FOXN3: variants seen among roughly 807,000 people sequenced by gnomAD.
FOXN3 encodes forkhead box N3, also known as forkhead box protein N3.
A neutral mutation model predicts 38.4 loss-of-function variants in FOXN3; 7 were observed. That is an observed-to-expected ratio of 0.18 (90% CI 0.10 to 0.34). The LOEUF is 0.34. Among genes scored for constraint, FOXN3 ranks in the 10% least tolerant of loss-of-function variants. The probability of loss-of-function intolerance (pLI) is 1.00; values close to 1 mark genes in which losing one functional copy is unlikely to be tolerated. For synonymous variants in FOXN3, 230 were observed against 242.2 expected (o/e 0.95, Z 0.47); for missense variants, 456 against 613.4 (o/e 0.74, Z 2.71).
intron 4 of FOXN3, among the ~76,000 whole-genome samples, chr14:89,205,579 G>T (rs560134513): frequency 6.6e-6 from 1 of 152,238 alleles, no homozygotes; most frequent in East Asian, 1.9e-4. Flanking sequence ...GCAGGCCATC[G>T]ACGGCGGGAC....
At chr14:89,590,417 G>C (rs1435658881) in intron 1 of FOXN3, among the ~76,000 whole-genome samples, 3 of 152,138 alleles carry the variant, frequency 2.0e-5, no homozygotes, top group Non-Finnish European at 4.4e-5. Flanking sequence ...AAGGAGGAAA[G>C]CTGACACTCA....
At chr14:89,306,334 GCA>G (rs33940446) in intron 3 of FOXN3, among the ~76,000 whole-genome samples, 80,615 of 146,564 alleles carry the variant, frequency 0.55, 22,399 homozygotes, top group East Asian at 0.69. Flanking sequence ...ACAGACGCAT[GCA>G]CACACACACA....
intron 1 of FOXN3, chr14:89,493,861 A>C (rs1385881902): frequency 7.0e-6 from 1 of 143,824 alleles, no homozygotes; most frequent in African/African-American, 2.6e-5. Context: ...CCCCCCTCCA[A>C]AAAAAAAAAA....
At chr14:89,281,940 G>A (rs113969080) in intron 3 of FOXN3, among the ~76,000 whole-genome samples, 1,902 of 152,218 alleles carry the variant, frequency 0.012, 40 homozygotes, top group African/African-American at 0.044. Context: ...AAATAGGTTC[G>A]AGTAATGCAT....
rs554410180 is a variant in FOXN3 at position 89,530,841 on chromosome 14, G to A, written c.-15+88187C>T. On this transcript the variant is annotated intron_variant, in intron 1 of 6. Coordinates refer to the FOXN3 transcript ENST00000345097. ...GCCAGGCTGGTCTCAAACTCCTGACGTAAAGTGATCCACCTGCCTCAACCT... is the reference window on the plus strand; with the variant it reads ...GCCAGGCTGGTCTCAAACTCCTGACATAAAGTGATCCACCTGCCTCAACCT... Among the ~76,000 whole-genome samples the A allele has an allele frequency of 4.7e-5, 7 of 150,170 alleles. No homozygotes were observed. The South Asian group carries it at 1.0e-3, about 22-fold the overall frequency.
intron 5 of FOXN3, among the ~76,000 whole-genome samples, chr14:89,173,869 T>C (rs1409736510): frequency 6.6e-6 from 1 of 152,092 alleles, no homozygotes; most frequent in African/African-American, 2.4e-5. Context: ...TGAGTGCCTG[T>C]AGTCCCAAAC....
At chr14:89,323,222 A>C (rs1035626806) in intron 3 of FOXN3, among the ~76,000 whole-genome samples, 2 of 147,450 alleles carry the variant, frequency 1.4e-5, no homozygotes, top group Non-Finnish European at 3.0e-5. Flanking sequence ...CAGGAGGCAG[A>C]GGTTGCAGTG....
chr14:89,519,419 A>AAGG (rs1894275802), intron 1 of FOXN3, among the ~76,000 whole-genome samples: 1 of 152,142 alleles, frequency 6.6e-6, no homozygotes, highest in Admixed American at 6.5e-5. Context: ...TGGCTTCCAG[A>AAGG]ACTACTGATG....
intron 2 of FOXN3, chr14:89,356,691 C>G (rs747088602): frequency 6.6e-6 from 1 of 152,128 alleles, no homozygotes; most frequent in African/African-American, 2.4e-5. Flanking sequence ...TTCATTCATA[C>G]GCTCATGCAT....
At chr14:89,598,335 C>G (rs944686356) in intron 1 of FOXN3, among the ~76,000 whole-genome samples, 1 of 152,148 alleles carries the variant, frequency 6.6e-6, no homozygotes, top group Non-Finnish European at 1.5e-5. Context: ...GCTCTTCACT[C>G]CTTACATTTC....
In FOXN3 at chr14:89,587,463, G is replaced by A. The variant is rs140592901; in HGVS notation, c.-15+31565C>T. ...AAGCCAGTGTCAGATGATAGAGAAC[G>A]ATAAGGACTGGGGTCATCTAGAGGG... On this transcript the variant is annotated intron_variant, in intron 1 of 6. Coordinates refer to the FOXN3 transcript ENST00000345097. Among the ~76,000 whole-genome samples, 462 of 152,278 alleles carry A rather than the reference G, an allele frequency of 3.0e-3. 4 individuals carry two copies. The highest frequency in any genetic ancestry group is 0.01 in the African/African-American group (435 of 41,538).
chr14:89,525,063 C>T (rs759084652), intron 1 of FOXN3, among the ~76,000 whole-genome samples: 35 of 151,956 alleles, frequency 2.3e-4, no homozygotes, highest in South Asian at 2.1e-4. Context: ...CTTATAAAAG[C>T]GCGGGGCTGG....
chr14:89,183,706 C>A (rs1013590983), intron 4 of FOXN3, among the ~76,000 whole-genome samples: 1 of 152,206 alleles, frequency 6.6e-6, no homozygotes, highest in South Asian at 2.1e-4. Flanking sequence ...AACTAAAAGG[C>A]TGCTTTTGGA....
At chr14:89,441,828 AG>A (rs1374483579) in intron 1 of FOXN3, among the ~76,000 whole-genome samples, 1 of 152,150 alleles carries the variant, frequency 6.6e-6, no homozygotes, top group East Asian at 1.9e-4. Context: ...AGCTCTTCCA[AG>A]CCCCACCCAG....
At chr14:89,401,388 G>A (rs1308174485) in intron 2 of FOXN3, among the ~76,000 whole-genome samples, 1 of 152,194 alleles carries the variant, frequency 6.6e-6, no homozygotes, top group Non-Finnish European at 1.5e-5. Flanking sequence ...GTTGCAGTGA[G>A]CTGAGATGGC....
At chr14:89,298,837 G>A (rs1038151658) in intron 3 of FOXN3, among the ~76,000 whole-genome samples, 9 of 152,230 alleles carry the variant, frequency 5.9e-5, no homozygotes, top group Admixed American at 2.0e-4. Flanking sequence ...GCCTTTGGAT[G>A]TCTTGGTTAC....
intron 3 of FOXN3, among the ~76,000 whole-genome samples, chr14:89,338,805 T>C (rs1044305926): frequency 1.3e-5 from 2 of 151,820 alleles, no homozygotes; most frequent in Non-Finnish European, 2.9e-5. Context: ...CAAAACTCTG[T>C]CTCAAAGAAA....
At chr14:89,416,693 G>T (rs1891741367) in intron 1 of FOXN3, among the ~76,000 whole-genome samples, 178 bp downstream of exon 1, 1 of 152,122 alleles carries the variant, frequency 6.6e-6, no homozygotes, top group Non-Finnish European at 1.5e-5. Context: ...TTCGGACCCG[G>T]CAACTTCCCG....
chr14:89,540,002 C>A (rs1241888614), intron 1 of FOXN3, among the ~76,000 whole-genome samples: 4 of 152,152 alleles, frequency 2.6e-5, no homozygotes, highest in African/African-American at 9.7e-5. Flanking sequence ...ACAGTGCCCT[C>A]GGCTGTTTCT....
Sources: allele counts gnomAD v4.1 joint callset (sites outside exome capture counted in the v4.1 genomes callset), GRCh38; gene constraint gnomAD v4.1.1; transcripts MANE v1.5; gene names NCBI Gene and HGNC (gene_info 2026-07-23, HGNC 2026-07-21).